PCYT1A: variants seen among roughly 807,000 people sequenced by gnomAD.
The protein encoded by PCYT1A is choline-phosphate cytidylyltransferase A.
PCYT1A carries 25 observed loss-of-function variants against 43.7 expected under a neutral mutation model. The observed-to-expected ratio is 0.57, with a 90% CI of 0.42 to 0.80. The LOEUF (loss-of-function observed/expected upper bound fraction) is 0.80, where lower values mean the gene tolerates loss of function less well. Among genes scored for constraint, PCYT1A ranks in the 30% least tolerant of loss-of-function variants. PCYT1A has a pLI of 0.00. For missense variants in PCYT1A, 421 were observed against 474.2 expected, an observed-to-expected ratio of 0.89 and a Z score of 1.04; for synonymous variants, 172 against 170.7, an observed-to-expected ratio of 1.01 and a Z score of -0.06.
chr3:196,243,902 C>T (rs1175169546), intron 5 of PCYT1A, among the ~76,000 whole-genome samples: 10 of 152,372 alleles, frequency 6.6e-5, no homozygotes, highest in South Asian at 2.1e-4. Context: ...ACCTCCCAGC[C>T]GCCTGCCTTG....
Position 196,252,452 on chromosome 3 carries a change from G to A in PCYT1A, c.218-4129C>T, listed in dbSNP as rs1724831980. Among the ~76,000 whole-genome samples, 1 of 152,096 alleles carries A rather than the reference G, an allele frequency of 6.6e-6. No homozygotes were observed. The highest frequency in any genetic ancestry group is 1.5e-5 in the Non-Finnish European group (1 of 68,014). On this transcript the variant is annotated intron_variant, in intron 3 of 8. Coordinates refer to ENST00000431016, the MANE Select transcript of PCYT1A (RefSeq NM_001312673.2). This position sits in a 1 kb window ranked among gnomAD's most constrained non-coding sequence, Gnocchi z 4.0. ...TATATTCGTATCCCATGTTGGCCAG[G>A]CTGGTCTCAATTTCCTGACCTCAAG...
Position 196,242,694 on chromosome 3 carries a change from C to T in PCYT1A, c.487-54G>A. 1 of 1,193,800 alleles carries T rather than the reference C, an allele frequency of 8.4e-7. No individual in the cohort carries two copies. The highest frequency in any genetic ancestry group is 1.3e-6 in the Non-Finnish European group (1 of 796,984). 74.0% of individuals were successfully genotyped at this position (1,193,800 alleles called of 1,614,324 possible). On this transcript the variant is annotated intron_variant, in intron 5 of 8. Coordinates refer to ENST00000431016, the MANE Select transcript of PCYT1A (RefSeq NM_001312673.2). This position sits in a 1 kb window ranked among gnomAD's most constrained non-coding sequence, Gnocchi z 4.2. Reference sequence around the variant, plus strand: ...CATGATAACTGCCATTCAGAAAGACCCAGTCAATGTTCTCAGGCCCAGAAA... The same window carrying T: ...CATGATAACTGCCATTCAGAAAGACTCAGTCAATGTTCTCAGGCCCAGAAA...
At chr3:196,263,780 C>T (rs1348157335) in intron 2 of PCYT1A, among the ~76,000 whole-genome samples, 1 of 151,970 alleles carries the variant, frequency 6.6e-6, no homozygotes, top group Non-Finnish European at 1.5e-5. Context: ...CTACAGGCAC[C>T]CACCACCACG....
rs527962265 is a variant in PCYT1A at position 196,241,676 on chromosome 3, T to A, written c.708+272A>T. The A allele has an allele frequency of 4.3e-5, 61 of 1,403,452 alleles. No individual in the cohort carries two copies. In the East Asian group the frequency reaches 1.9e-3, roughly 43 times the overall value. 86.9% of individuals were successfully genotyped at this position (1,403,452 alleles called of 1,614,324 possible). A position where few individuals can be genotyped will look rare whatever the true frequency, so the allele number is the denominator to read the frequency against. ...GAGAGGAAGTTTAAGAGACACCGTT[T>A]TCCATTTATTGACAGAAATACTGCA... On this transcript the variant is annotated intron_variant, in intron 7 of 8. Transcript: ENST00000431016.
intron 7 of PCYT1A, chr3:196,241,407 C>G: frequency 1.4e-6 from 1 of 705,582 alleles, no homozygotes; most frequent in Admixed American, 2.7e-5. Flanking sequence ...AGACTGGTCT[C>G]AAACTCCTGG....
chr3:196,261,957 C>T (rs552826169), intron 2 of PCYT1A, among the ~76,000 whole-genome samples: 39 of 152,198 alleles, frequency 2.6e-4, no homozygotes, highest in Non-Finnish European at 5.3e-4. Flanking sequence ...TGAAACCTAA[C>T]GTTGTGCAGC....
chr3:196,239,265 T>C (rs779422050), intron 8 of PCYT1A, among the ~76,000 whole-genome samples: 1 of 152,192 alleles, frequency 6.6e-6, no homozygotes, highest in Non-Finnish European at 1.5e-5. Flanking sequence ...TTTCCTTCTA[T>C]CTAAAATCAT....
In PCYT1A at chr3:196,286,061, CTTTT is replaced by C. The variant is rs533707821; in HGVS notation, c.-11+1550_-11+1553del. On this transcript the variant is annotated intron_variant, in intron 1 of 8. Transcript: ENST00000431016. ...ATAAATATCACAAATACCACTGTCC[CTTTT>C]TTTTTTTTTTTTTTTGAGACAGAGT... Among the ~76,000 whole-genome samples, 695 of 124,478 alleles carry C rather than the reference CTTTT, an allele frequency of 5.6e-3. 13 individuals carry two copies. In the South Asian group the frequency reaches 0.076, roughly 14 times the overall value. The allele number at this position is 124,478 out of a possible 152,430, so 81.7% of individuals were successfully genotyped here. A position where few individuals can be genotyped will look rare whatever the true frequency, so the allele number is the denominator to read the frequency against.
intron 5 of PCYT1A, among the ~76,000 whole-genome samples, chr3:196,246,470 A>G (rs1049676141): frequency 1.3e-5 from 2 of 151,916 alleles, no homozygotes; most frequent in Non-Finnish European, 2.9e-5. Flanking sequence ...TCCTGGGCTC[A>G]AGCGATCCTC....
At chr3:196,283,311 A>G (rs1160139722) in intron 1 of PCYT1A, among the ~76,000 whole-genome samples, 4 of 152,136 alleles carry the variant, frequency 2.6e-5, no homozygotes, top group African/African-American at 9.7e-5. Flanking sequence ...GCAACAAGGC[A>G]AGACTTGGTC....
chr3:196,257,957 A>G lies in PCYT1A; in HGVS notation c.118-70T>C, dbSNP rs185841388. On this transcript the variant is annotated intron_variant, in intron 2 of 8. Coordinates refer to ENST00000431016, the MANE Select transcript of PCYT1A (RefSeq NM_001312673.2). ...CATACACTGTAATACTAAAAAAAAA[A>G]AAGATGAGAGAAAGGAGATTGATCT... The G allele has an allele frequency of 2.8e-4, 244 of 866,296 alleles. No homozygotes were observed. In the African/African-American group the frequency reaches 4.0e-3, roughly 14 times the overall value. The allele number at this position is 866,296 out of a possible 1,614,324, so 53.7% of individuals were successfully genotyped here.
rs1724108383 is a variant in PCYT1A at position 196,234,406 on chromosome 3, A to G, written c.*4282T>C. Reference sequence around the variant, plus strand: ...CACTGCCTTTATTTGGCTAAAGAACAAAATCCAAAATAACTCAGAACAAAC... The same window carrying G: ...CACTGCCTTTATTTGGCTAAAGAACGAAATCCAAAATAACTCAGAACAAAC... On this transcript the variant is annotated 3_prime_UTR_variant, in exon 9 of 9. Transcript: ENST00000431016. 6.6e-6 allele frequency: 1 copy of G among 152,224 alleles called. No homozygotes were observed. Among genetic ancestry groups the G allele is most frequent in the Admixed American group, 6.5e-5 (1 of 15,276 alleles). The allele number at this position is 152,224 out of a possible 1,614,324, so 9.4% of individuals were successfully genotyped here.
chr3:196,251,887 A>T (rs1386528752), intron 3 of PCYT1A, among the ~76,000 whole-genome samples: 2 of 152,202 alleles, frequency 1.3e-5, no homozygotes, highest in Admixed American at 1.3e-4. Flanking sequence ...TATGGATATT[A>T]AACTGTGGGA....
intron 1 of PCYT1A, among the ~76,000 whole-genome samples, chr3:196,286,005 T>C (rs1186431001): frequency 6.6e-6 from 1 of 151,578 alleles, no homozygotes; most frequent in Non-Finnish European, 1.5e-5. Context: ...CAGTTTCTCA[T>C]ACCACAAACC....
chr3:196,273,691 T>C lies in PCYT1A; in HGVS notation c.-10-3150A>G, dbSNP rs1452963197. ...TCCGCAGGCAGGTCATCCCATCAAG[T>C]ATGGCTGAGTCCAGGGTTTCTACGG... On this transcript the variant is annotated intron_variant, in intron 1 of 8. Coordinates refer to ENST00000431016, the MANE Select transcript of PCYT1A (RefSeq NM_001312673.2). This position sits in a 1 kb window ranked among gnomAD's most constrained non-coding sequence, Gnocchi z 4.1. Among the ~76,000 whole-genome samples the C allele has an allele frequency of 6.6e-6, 1 of 152,154 alleles. No individual in the cohort carries two copies. The highest frequency in any genetic ancestry group is 2.4e-5 in the African/African-American group (1 of 41,436).
chr3:196,240,201 T>C (rs1377589801), intron 7 of PCYT1A, among the ~76,000 whole-genome samples: 1 of 152,258 alleles, frequency 6.6e-6, no homozygotes, highest in African/African-American at 2.4e-5. Context: ...ACTGGATTTT[T>C]CCCCTCTATC....
chr3:196,244,643 A>G (rs903658159), intron 5 of PCYT1A, among the ~76,000 whole-genome samples: 2 of 152,342 alleles, frequency 1.3e-5, no homozygotes, highest in South Asian at 2.1e-4. Context: ...GGTTTTGTCG[A>G]ATAGAAAAGG....
At position 196,238,731 on chromosome 3, in the gene PCYT1A, T is replaced by G. The variant is rs746462763; in HGVS notation, c.1061A>C (p.His354Pro). The G allele has an allele frequency of 6.3e-7, 1 of 1,591,982 alleles. No individual in the cohort carries two copies. The change falls in exon 9 of 9, where the codon CAC becomes CCC. Residue 354 changes from histidine to proline, a missense_variant. Physicochemically the swap from His to Pro is moderately conservative, Grantham distance 77. Around this residue, in one of 3 missense-constraint regions of PCYT1A, gnomAD observed 108 missense variants for 85.7 expected, o/e 1.26. Transcript: ENST00000431016. Reference sequence around the variant, plus strand: ...ACTGATATCATAGGCTGCAGCCTTGTGCCTGGAGAGATTTGCTGGGGAGCA... The same window carrying G: ...ACTGATATCATAGGCTGCAGCCTTGGGCCTGGAGAGATTTGCTGGGGAGCA... ...PPCSPANLSR[H>P]KAAAYDISED...
At chr3:196,256,169 C>T (rs2108771012) in intron 3 of PCYT1A, among the ~76,000 whole-genome samples, 1 of 152,204 alleles carries the variant, frequency 6.6e-6, no homozygotes, top group Admixed American at 6.5e-5. Flanking sequence ...ATACATATAC[C>T]CAAGATAAGG....
Sources: gnomAD v4.1 joint callset for allele counts (sites outside exome capture counted in the v4.1 genomes callset) on GRCh38, gnomAD v4.1.1 for gene constraint, gnomAD v4.1.1 regional missense constraint, Gnocchi (gnomAD v3.1) non-coding constraint, MANE v1.5 for transcripts, NCBI Gene and HGNC (gene_info 2026-07-23, HGNC 2026-07-21) for gene names.